GLI2: variants seen among roughly 807,000 people sequenced by gnomAD.
GLI2 encodes the protein transcription activator GLI2.
A neutral mutation model predicts 78.9 loss-of-function variants in GLI2; 22 were observed. That is an observed-to-expected ratio of 0.28 (90% CI 0.20 to 0.40). GLI2 has a LOEUF of 0.40. Ranked by LOEUF, GLI2 falls within the 10% of genes least tolerant of loss-of-function variation. GLI2 has a pLI of 1.00. For missense variants in GLI2, 2,097 were observed against 2,213.2 expected (o/e 0.95, Z 1.05); for synonymous variants, 974 against 963.7 (o/e 1.01, Z -0.20).
In GLI2 at chr2:120,886,351, G is replaced by T. The variant is rs192720906; in HGVS notation, c.149-41010G>T. ...ATTGATCATGGCTCACTGCAGCCTTGTCCTGCTGGGCTTAAGCGATTCTCC... is the reference window on the plus strand; with the variant it reads ...ATTGATCATGGCTCACTGCAGCCTTTTCCTGCTGGGCTTAAGCGATTCTCC... On this transcript the variant is annotated intron_variant, in intron 2 of 13. Transcript: ENST00000361492. Among the ~76,000 whole-genome samples, 39 of 152,094 alleles carry T rather than the reference G, an allele frequency of 2.6e-4. No homozygotes were observed. The East Asian group carries it at 7.1e-3, about 28-fold the overall frequency.
At chr2:120,877,658 A>T (rs1035372902) in intron 2 of GLI2, among the ~76,000 whole-genome samples, 1 of 152,104 alleles carries the variant, frequency 6.6e-6, no homozygotes, top group Non-Finnish European at 1.5e-5. Flanking sequence ...TTGCTTTCTT[A>T]TGTTTAGGGG....
intron 2 of GLI2, among the ~76,000 whole-genome samples, chr2:120,865,802 C>T (rs983938875): frequency 6.6e-6 from 1 of 152,238 alleles, no homozygotes; most frequent in African/African-American, 2.4e-5. Flanking sequence ...TGCCAGCCAA[C>T]GCCTGCTCAT....
At chr2:120,878,692 TG>T (rs748665497) in intron 2 of GLI2, among the ~76,000 whole-genome samples, 11 of 152,166 alleles carry the variant, frequency 7.2e-5, no homozygotes, top group Admixed American at 1.3e-4. Flanking sequence ...CTCAGCACTT[TG>T]GGAGGCCAAG....
At chr2:120,817,759 A>G (rs1685569097) in intron 2 of GLI2, among the ~76,000 whole-genome samples, 1 of 152,096 alleles carries the variant, frequency 6.6e-6, no homozygotes, top group Non-Finnish European at 1.5e-5. Context: ...CTGTGTACAC[A>G]GTGCCCCTCC....
intron 1 of GLI2, among the ~76,000 whole-genome samples, chr2:120,743,463 A>G (rs1249045471): frequency 3.9e-5 from 6 of 152,180 alleles, no homozygotes; most frequent in Non-Finnish European, 8.8e-5. Context: ...ATAAAAAAAG[A>G]AATCATCTTA....
At position 120,986,373 on chromosome 2, in the gene GLI2, G is replaced by A. The variant is rs569760606; in HGVS notation, c.2001G>A (p.Pro667=). ...ACAATGACAGTGGCGTGGAGATGCC[G>A]GGGACGGGGCCCGGGAGCCTGGGAG... The part of the protein sequence containing the change: ...APNNDSGVEM[P]GTGPGSLGDL... The change falls in exon 13 of 14, where the codon CCG becomes CCA. Residue 667 remains proline, a synonymous_variant. Coordinates refer to ENST00000361492, the MANE Select transcript of GLI2 (RefSeq NM_001374353.1). 27 of 1,613,540 alleles carry A rather than the reference G, an allele frequency of 1.7e-5. No individual in the cohort carries two copies. Among genetic ancestry groups the A allele is most frequent in the Admixed American group, 8.3e-5 (5 of 60,016 alleles).
chr2:120,817,498 T>A (rs1468634717), intron 2 of GLI2, among the ~76,000 whole-genome samples: 2 of 152,134 alleles, frequency 1.3e-5, no homozygotes, highest in Non-Finnish European at 2.9e-5. Context: ...TCTTACAGTC[T>A]CATCACCGCT....
At chr2:120,836,183 T>G (rs1558824442) in intron 2 of GLI2, among the ~76,000 whole-genome samples, 1 of 152,188 alleles carries the variant, frequency 6.6e-6, no homozygotes, top group Non-Finnish European at 1.5e-5. Context: ...ATCACCCTCT[T>G]CTATCTCCTG....
At chr2:120,962,644 C>T (rs1178579396) in intron 5 of GLI2, among the ~76,000 whole-genome samples, 1 of 152,158 alleles carries the variant, frequency 6.6e-6, no homozygotes, top group African/African-American at 2.4e-5. Flanking sequence ...TCCATGTTCC[C>T]GGTCATAAAT....
At chr2:120,760,886 G>C (rs1683193915) in intron 1 of GLI2, among the ~76,000 whole-genome samples, 1 of 152,186 alleles carries the variant, frequency 6.6e-6, no homozygotes. Flanking sequence ...TCCCGAGAAG[G>C]TTCTCCTGAC....
At chr2:120,799,503 G>A (rs1051802536) in intron 2 of GLI2, among the ~76,000 whole-genome samples, 3 of 152,198 alleles carry the variant, frequency 2.0e-5, no homozygotes. Flanking sequence ...CTTTTTTTGG[G>A]AAGGGTCCTC....
At chr2:120,781,044 T>C (rs1040966743) in intron 1 of GLI2, among the ~76,000 whole-genome samples, 1 of 152,156 alleles carries the variant, frequency 6.6e-6, no homozygotes, top group Non-Finnish European at 1.5e-5. Flanking sequence ...CCACTCTGCA[T>C]GGGCCCTGGG....
At chr2:120,985,475 T>G (rs1573731725) in intron 12 of GLI2, among the ~76,000 whole-genome samples, 1 of 152,026 alleles carries the variant, frequency 6.6e-6, no homozygotes, top group Non-Finnish European at 1.5e-5. Flanking sequence ...CTACAGAAGG[T>G]CCTGAGGGTC....
intron 4 of GLI2, 180 bp downstream of exon 4, chr2:120,951,625 A>G (rs1680999141): frequency 1.7e-6 from 1 of 575,302 alleles, no homozygotes. Context: ...TGCTCATTAA[A>G]GAGCCTTTGG....
At chr2:120,821,986 T>C (rs1685799642) in intron 2 of GLI2, among the ~76,000 whole-genome samples, 1 of 152,212 alleles carries the variant, frequency 6.6e-6, no homozygotes. Flanking sequence ...ACCAGGCTGC[T>C]TGTCAACTGG....
chr2:120,893,724 A>G (rs1217528917), intron 2 of GLI2, among the ~76,000 whole-genome samples: 1 of 152,024 alleles, frequency 6.6e-6, no homozygotes, highest in African/African-American at 2.4e-5. Context: ...CAGAAAAAAA[A>G]GATAAACTTT....
intron 6 of GLI2, 92 bp from the exon 7 acceptor site, chr2:120,970,301 C>A: frequency 1.4e-6 from 1 of 736,116 alleles, no homozygotes. Context: ...TCATCCCTAT[C>A]CCCTGGGCAA....
At chr2:120,937,693 C>A (rs1680263705) in intron 3 of GLI2, among the ~76,000 whole-genome samples, 1 of 152,214 alleles carries the variant, frequency 6.6e-6, no homozygotes, top group Admixed American at 6.5e-5. Context: ...GGAGGGGAAT[C>A]TTTTCAAAGC....
At chr2:120,813,422 A>C (rs57092948) in intron 2 of GLI2, among the ~76,000 whole-genome samples, 7,494 of 152,230 alleles carry the variant, frequency 0.049, 609 homozygotes, top group African/African-American at 0.17. Context: ...CTCATCCCAG[A>C]ATGGCCCAGC....
Sources: gnomAD v4.1 joint callset for allele counts (sites outside exome capture counted in the v4.1 genomes callset) on GRCh38, gnomAD v4.1.1 for gene constraint, MANE v1.5 for transcripts, NCBI Gene and HGNC (gene_info 2026-07-23, HGNC 2026-07-21) for gene names.